TRIM67: variants seen among roughly 807,000 people sequenced by gnomAD.
The protein encoded by TRIM67 is tripartite motif containing 67, also known as tripartite motif-containing protein 67.
In TRIM67, 39 loss-of-function variants were observed where a neutral mutation model predicts 71.0. The observed-to-expected ratio is 0.55, with a 90% CI of 0.43 to 0.72. TRIM67 has a LOEUF of 0.72. Among genes scored for constraint, TRIM67 ranks in the 30% least tolerant of loss-of-function variants. The probability of loss-of-function intolerance (pLI) is 0.00; values close to 1 mark genes in which losing one functional copy is unlikely to be tolerated. For missense variants in TRIM67, 973 were observed against 1,079.2 expected (o/e 0.90, Z 1.38); for synonymous variants, 481 against 473.9 (o/e 1.01, Z -0.19).
In TRIM67 at chr1:231,215,014, A is replaced by G. The variant is rs1483619866; in HGVS notation, c.2287-361A>G. Among the ~76,000 whole-genome samples the G allele has an allele frequency of 3.9e-5, 6 of 152,172 alleles. No homozygotes were observed. The East Asian group carries it at 1.2e-3, about 29-fold the overall frequency. On this transcript the variant is annotated intron_variant, in intron 9 of 9. Coordinates refer to ENST00000366653, the MANE Select transcript of TRIM67 (RefSeq NM_001004342.5). ...CCTCACAGTTAATAGAATGGGTTTA[A>G]TAGGAAAGGAAAGAAGGTCATGGCT...
rs766594060 is a variant in TRIM67, at chr1:231,208,991, A to G, written c.1864A>G (p.Ile622Val). ...FDPNSGHRDI[I>V]LSNDNQTATC... is the part of the protein sequence containing the mutation. ...CCCCAACTCTGGGCATCGGGACATCATTTTATCCAATGACAACCAGACAGC... is the reference window on the plus strand; with the variant it reads ...CCCCAACTCTGGGCATCGGGACATCGTTTTATCCAATGACAACCAGACAGC... The change falls in exon 8 of 10, where the codon ATT (isoleucine) becomes GTT (valine). Residue 622 changes from isoleucine (I) to valine (V), a missense_variant. By Grantham distance (29) the Ile-to-Val change is conservative. Around this residue, in one of 2 missense-constraint regions of TRIM67, gnomAD observed 178 missense variants for 247.9 expected, o/e 0.72. Coordinates refer to ENST00000366653, the MANE Select transcript of TRIM67 (RefSeq NM_001004342.5). The G allele has an allele frequency of 6.2e-7, 1 of 1,609,124 alleles. No individual in the cohort carries two copies. Among genetic ancestry groups the G allele is most frequent in the Non-Finnish European group, 8.5e-7 (1 of 1,176,522 alleles).
At chr1:231,203,209 G>A (rs766676853) in intron 5 of TRIM67, among the ~76,000 whole-genome samples, 55 of 152,170 alleles carry the variant, frequency 3.6e-4, no homozygotes, top group Non-Finnish European at 6.8e-4. Context: ...AGCCTGAATA[G>A]AGCTAGAAAA....
intron 8 of TRIM67, among the ~76,000 whole-genome samples, chr1:231,211,031 A>T (rs11582974): frequency 0.12 from 15,612 of 126,932 alleles, 937 homozygotes; most frequent in Middle Eastern, 0.23. Context: ...AAAAAAAAAA[A>T]ATATATATAT....
At chr1:231,188,125 G>A (rs1018268532) in intron 1 of TRIM67, among the ~76,000 whole-genome samples, 5 of 152,094 alleles carry the variant, frequency 3.3e-5, no homozygotes, top group East Asian at 1.9e-4. Context: ...ACTGGGACCC[G>A]TGTTACATGG....
intron 1 of TRIM67, among the ~76,000 whole-genome samples, chr1:231,164,806 C>T (rs575981991): frequency 6.6e-6 from 1 of 152,190 alleles, no homozygotes; most frequent in East Asian, 1.9e-4. Context: ...AAAAGGTGAG[C>T]ACAGATGAGA....
chr1:231,214,049 T>C (rs1343433958), intron 9 of TRIM67, 72 bp downstream of exon 9: 2 of 1,463,312 alleles, frequency 1.4e-6, no homozygotes, highest in South Asian at 1.4e-5. Flanking sequence ...TGCAGTGCCC[T>C]TGGGCAGAGT....
intron 1 of TRIM67, among the ~76,000 whole-genome samples, chr1:231,191,281 T>A (rs560099483): frequency 1.3e-5 from 2 of 152,284 alleles, no homozygotes; most frequent in African/African-American, 4.8e-5. Context: ...CTTAGGCTAG[T>A]CTAGAACTCC....
At chr1:231,200,695 A>G (rs1308183943) in intron 4 of TRIM67, among the ~76,000 whole-genome samples, 2 of 152,194 alleles carry the variant, frequency 1.3e-5, no homozygotes. Flanking sequence ...AGGCTGACTC[A>G]GGGTCATGAG....
rs1346225581 is a variant in TRIM67, at chr1:231,220,167, G to T, written c.*4727G>T. The T allele has an allele frequency of 3.4e-5, 13 of 380,106 alleles. No homozygotes were observed. Among genetic ancestry groups the T allele is most frequent in the Admixed American group, 7.1e-5 (2 of 28,308 alleles). 23.5% of individuals were successfully genotyped at this position (380,106 alleles called of 1,614,324 possible). On this transcript the variant is annotated 3_prime_UTR_variant, in exon 10 of 10. Coordinates refer to ENST00000366653, the MANE Select transcript of TRIM67 (RefSeq NM_001004342.5). ...TCCCATTCAGTGACTCAAACCTGTG[G>T]GGGGCGTTCCAGTGTTCTCTGACCA...
At chr1:231,169,374 T>TTTA (rs1205577396) in intron 1 of TRIM67, among the ~76,000 whole-genome samples, 3 of 143,828 alleles carry the variant, frequency 2.1e-5, no homozygotes, top group Non-Finnish European at 1.5e-5. Flanking sequence ...TTCTCTTTTT[T>TTTA]TTTTTTTTTT....
chr1:231,215,380 C>A lies in TRIM67; in HGVS notation c.2292C>A (p.Thr764=). The A allele has an allele frequency of 6.2e-7, 1 of 1,612,992 alleles. No individual in the cohort carries two copies. The highest frequency in any genetic ancestry group is 1.7e-5 in the Admixed American group (1 of 59,962). The change falls in exon 10 of 10, where the codon ACC becomes ACA. Residue 764 remains threonine, a synonymous_variant. Transcript: ENST00000366653. ...ALSLNRNVQV[T]LHTGLEVPTN... ...TGCCCTGTCTTCTTTTCCAGGTCAC[C>A]CTGCACACAGGATTGGAAGTGCCGA... is the stretch of plus-strand genomic sequence containing the variant.
intron 1 of TRIM67, among the ~76,000 whole-genome samples, chr1:231,173,823 G>A (rs1682673705): frequency 6.6e-6 from 1 of 152,132 alleles, no homozygotes; most frequent in African/African-American, 2.4e-5. Flanking sequence ...AAGAGTGGAG[G>A]CAGGATGTGT....
chr1:231,219,123 G>A lies in TRIM67; in HGVS notation c.*3683G>A. The A allele has an allele frequency of 1.0e-6, 1 of 985,432 alleles. No homozygotes were observed. The highest frequency in any genetic ancestry group is 1.2e-6 in the Non-Finnish European group (1 of 830,002). The allele number at this position is 985,432 out of a possible 1,614,324, so 61.0% of individuals were successfully genotyped here. On this transcript the variant is annotated 3_prime_UTR_variant, in exon 10 of 10. Coordinates refer to ENST00000366653, the MANE Select transcript of TRIM67 (RefSeq NM_001004342.5). ...AGTGAGGGAGGGTCAATCCTTAGGGGGAGTCAACATGTGAATGCTAAAGAA... is the reference window on the plus strand; with the variant it reads ...AGTGAGGGAGGGTCAATCCTTAGGGAGAGTCAACATGTGAATGCTAAAGAA...
rs11589965 is a variant in TRIM67, at chr1:231,176,963, G to A, written c.1044+12950G>A. ...CTCAATTTGCTCAGCTAAGTTAAGGGGCTAGAGATGGGGAGAAAGGGGTAA... is the reference window on the plus strand; with the variant it reads ...CTCAATTTGCTCAGCTAAGTTAAGGAGCTAGAGATGGGGAGAAAGGGGTAA... On this transcript the variant is annotated intron_variant, in intron 1 of 9. Coordinates refer to ENST00000366653, the MANE Select transcript of TRIM67 (RefSeq NM_001004342.5). 5.1e-3 allele frequency among the ~76,000 whole-genome samples: 749 copies of A among 147,954 alleles called. 4 individuals carry two copies. The highest frequency in any genetic ancestry group is 8.3e-3 in the Non-Finnish European group (559 of 67,610).
Position 231,219,522 on chromosome 1 carries a change from T to C in TRIM67, c.*4082T>C, listed in dbSNP as rs960635150. The stretch of plus-strand genomic sequence containing the variant: ...TCTTCAGGGGGCAGGTAGGGGAAAA[T>C]GGGGTGAGCCACCTCCAACAGATGC... On this transcript the variant is annotated 3_prime_UTR_variant, in exon 10 of 10. Transcript: ENST00000366653. 5.6e-6 allele frequency: 6 copies of C among 1,069,374 alleles called. No individual in the cohort carries two copies. Among genetic ancestry groups the C allele is most frequent in the Middle Eastern group, 4.5e-4 (1 of 2,208 alleles). 66.2% of individuals were successfully genotyped at this position (1,069,374 alleles called of 1,614,324 possible).
rs533830605 is a variant in TRIM67 at position 231,200,687 on chromosome 1, G to C, written c.1374+429G>C. Among the ~76,000 whole-genome samples, 3 of 152,316 alleles carry C rather than the reference G, an allele frequency of 2.0e-5. No homozygotes were observed. In the East Asian group the frequency reaches 5.8e-4, roughly 29 times the overall value. The stretch of plus-strand genomic sequence containing the variant: ...TCGGGGCCATCTCTCCTGCATTCAG[G>C]CTGACTCAGGGTCATGAGTATCTCT... On this transcript the variant is annotated intron_variant, in intron 4 of 9. Coordinates refer to ENST00000366653, the MANE Select transcript of TRIM67 (RefSeq NM_001004342.5).
At chr1:231,172,078 C>A (rs1682631888) in intron 1 of TRIM67, among the ~76,000 whole-genome samples, 2 of 152,170 alleles carry the variant, frequency 1.3e-5, no homozygotes, top group Admixed American at 1.3e-4. Flanking sequence ...CAGAGCAAGA[C>A]CCCAACTCTA....
intron 8 of TRIM67, 121 bp from the exon 9 acceptor site, chr1:231,213,694 G>T: frequency 8.0e-7 from 1 of 1,244,490 alleles, no homozygotes; most frequent in Non-Finnish European, 1.1e-6. Context: ...TGGCGTCACT[G>T]CACTCCAGCC....
chr1:231,166,905 G>T (rs557356217), intron 1 of TRIM67, among the ~76,000 whole-genome samples: 1 of 152,310 alleles, frequency 6.6e-6, no homozygotes, highest in South Asian at 2.1e-4. Flanking sequence ...AACTGTACAG[G>T]AGAGCTTTTG....
Sources: allele counts gnomAD v4.1 joint callset (sites outside exome capture counted in the v4.1 genomes callset), GRCh38; gene constraint gnomAD v4.1.1; regional missense constraint gnomAD v4.1.1; transcripts MANE v1.5; gene names NCBI Gene and HGNC (gene_info 2026-07-23, HGNC 2026-07-21).